Variants in RNF144B observed in about 807,000 individuals in gnomAD.
The protein encoded by RNF144B is ring finger protein 144B.
RNF144B carries 25 observed loss-of-function variants against 40.2 expected under a neutral mutation model. The ratio of observed to expected loss-of-function variants is 0.62; its 90% CI spans 0.45 to 0.87. RNF144B has a LOEUF of 0.87. RNF144B is among the 40% of genes least tolerant of loss of function. RNF144B has a pLI of 0.00. For missense variants in RNF144B, 365 were observed against 373.7 expected (o/e 0.98, Z 0.19); for synonymous variants, 145 against 136.3 (o/e 1.06, Z -0.44).
chr6:18,433,031 A>T (rs181836949), intron 3 of RNF144B, among the ~76,000 whole-genome samples: 3 of 152,322 alleles, frequency 2.0e-5, no homozygotes, highest in Admixed American at 2.0e-4. Context: ...AAATAAATAC[A>T]GTTTTTACTC....
At position 18,414,632 on chromosome 6, in the gene RNF144B, ATAT is replaced by A. The variant is rs1795110676; in HGVS notation, c.166-12944_166-12942del. 6.6e-6 allele frequency among the ~76,000 whole-genome samples: 1 copy of A among 152,170 alleles called. No homozygotes were observed. The highest frequency in any genetic ancestry group is 6.5e-5 in the Admixed American group (1 of 15,276). On this transcript the variant is annotated intron_variant, in intron 2 of 7. Transcript: ENST00000259939. The surrounding 1 kb of genome is among the most constrained non-coding windows in gnomAD (Gnocchi z 4.9). ...ATATATATGATTAGTTTTAATTAAG[ATAT>A]TATTTCATTATAATTTATTCAAACT...
intron 4 of RNF144B, among the ~76,000 whole-genome samples, chr6:18,451,438 G>C (rs1356612149): frequency 6.6e-6 from 1 of 152,192 alleles, no homozygotes; most frequent in Non-Finnish European, 1.5e-5. Flanking sequence ...CCGTAAATAA[G>C]TATGAAAGAA....
In RNF144B at chr6:18,406,578, T is replaced by G. The variant is rs1381047859; in HGVS notation, c.165+6879T>G. On this transcript the variant is annotated intron_variant, in intron 2 of 7. Coordinates refer to ENST00000259939, the MANE Select transcript of RNF144B (RefSeq NM_182757.4). This position sits in a 1 kb window ranked among gnomAD's most constrained non-coding sequence, Gnocchi z 4.2. ...GCTGGAGACCCAGGAGAACCAGTGG[T>G]GTATTTCCAGTCCAAGTCTGAAGGC... is the stretch of plus-strand genomic sequence containing the variant. 6.6e-6 allele frequency among the ~76,000 whole-genome samples: 1 copy of G among 151,452 alleles called. No individual in the cohort carries two copies. Among genetic ancestry groups the G allele is most frequent in the Non-Finnish European group, 1.5e-5 (1 of 67,940 alleles).
chr6:18,449,758 T>C (rs903538945), intron 4 of RNF144B, among the ~76,000 whole-genome samples: 2 of 152,070 alleles, frequency 1.3e-5, no homozygotes, highest in Non-Finnish European at 2.9e-5. Flanking sequence ...ATCTATCTTA[T>C]GTAGTCATTG....
In RNF144B at chr6:18,446,113, G is replaced by C. The variant is rs535408085; in HGVS notation, c.331+6369G>C. 6.6e-6 allele frequency among the ~76,000 whole-genome samples: 1 copy of C among 152,270 alleles called. No individual in the cohort carries two copies. Among genetic ancestry groups the C allele is most frequent in the Admixed American group, 6.5e-5 (1 of 15,288 alleles). On this transcript the variant is annotated intron_variant, in intron 4 of 7. Coordinates refer to ENST00000259939, the MANE Select transcript of RNF144B (RefSeq NM_182757.4). The surrounding 1 kb of genome is among the most constrained non-coding windows in gnomAD (Gnocchi z 4.7). ...GTTTGTTCCTTTTAGCTTGGGTTCT[G>C]TGTAGTCCTGTTAGATGCCAGGGCT... is the stretch of plus-strand genomic sequence containing the variant.
chr6:18,453,397 C>T (rs996444170), intron 4 of RNF144B, among the ~76,000 whole-genome samples: 2 of 152,112 alleles, frequency 1.3e-5, no homozygotes, highest in African/African-American at 4.8e-5. Context: ...CTCAGCCTCC[C>T]AAAGTGCTGG....
In RNF144B at chr6:18,459,917, A is replaced by G. The variant is rs1278530188; in HGVS notation, c.681+166A>G. On this transcript the variant is annotated intron_variant, in intron 6 of 7. Coordinates refer to ENST00000259939, the MANE Select transcript of RNF144B (RefSeq NM_182757.4). This position sits in a 1 kb window ranked among gnomAD's most constrained non-coding sequence, Gnocchi z 4.2. ...AAGCCTGATACTTTAGATATCTAAAAACATCTTTTTGATGACCTTACATAT... is the reference window on the plus strand; with the variant it reads ...AAGCCTGATACTTTAGATATCTAAAGACATCTTTTTGATGACCTTACATAT... Among the ~76,000 whole-genome samples the G allele has an allele frequency of 6.6e-6, 1 of 152,210 alleles. No homozygotes were observed. The highest frequency in any genetic ancestry group is 6.5e-5 in the Admixed American group (1 of 15,284).
chr6:18,434,072 A>C lies in RNF144B; in HGVS notation c.271-5612A>C, dbSNP rs1369609991. On this transcript the variant is annotated intron_variant, in intron 3 of 7. Transcript: ENST00000259939. This position sits in a 1 kb window ranked among gnomAD's most constrained non-coding sequence, Gnocchi z 4.1. ...TTTTATTATTTGTTCAGCCTGTTTA[A>C]TTTTTAAAGCAACTGTAGCAGAAGC... Among the ~76,000 whole-genome samples, 1 of 152,108 alleles carries C rather than the reference A, an allele frequency of 6.6e-6. No individual in the cohort carries two copies. The highest frequency in any genetic ancestry group is 6.6e-5 in the Admixed American group (1 of 15,260).
chr6:18,429,528 C>T (rs1487275107), intron 3 of RNF144B, among the ~76,000 whole-genome samples: 2 of 152,080 alleles, frequency 1.3e-5, no homozygotes, highest in Non-Finnish European at 2.9e-5. Context: ...AAAGGAATAT[C>T]TGTTTAGAAG....
intron 4 of RNF144B, 104 bp downstream of exon 4, chr6:18,439,848 G>A (rs1758918620): frequency 1.4e-6 from 1 of 713,186 alleles, no homozygotes; most frequent in Admixed American, 2.2e-5. Flanking sequence ...TGTCAACAAA[G>A]CCTCAAGGGT....
intron 2 of RNF144B, among the ~76,000 whole-genome samples, chr6:18,409,319 AG>A (rs1794981567): frequency 7.7e-6 from 1 of 129,752 alleles, no homozygotes; most frequent in African/African-American, 2.9e-5. Flanking sequence ...TGGAGGTTGC[AG>A]TGAGCTGAGA....
chr6:18,408,967 T>C (rs1046394112), intron 2 of RNF144B, among the ~76,000 whole-genome samples: 1 of 146,714 alleles, frequency 6.8e-6, no homozygotes, highest in Admixed American at 7.2e-5. Flanking sequence ...CTCTGCAAAA[T>C]GAGCATCTCA....
intron 1 of RNF144B, among the ~76,000 whole-genome samples, chr6:18,389,457 A>T (rs1211444095): frequency 6.6e-6 from 1 of 152,334 alleles, no homozygotes; most frequent in South Asian, 2.1e-4. Context: ...GAGGAGGTGC[A>T]CTTAAAATTT....
chr6:18,395,275 G>A lies in RNF144B; in HGVS notation c.-36-4224G>A, dbSNP rs1390346365. ...AAGACTTTTCTTGAAACCTGGAGGG[G>A]AGTGGATGTGAATTGCTTGTGCCCC... On this transcript the variant is annotated intron_variant, in intron 1 of 7. Coordinates refer to ENST00000259939, the MANE Select transcript of RNF144B (RefSeq NM_182757.4). The surrounding 1 kb of genome is among the most constrained non-coding windows in gnomAD (Gnocchi z 4.5). Among the ~76,000 whole-genome samples, 2 of 152,174 alleles carry A rather than the reference G, an allele frequency of 1.3e-5. No homozygotes were observed. The highest frequency in any genetic ancestry group is 2.4e-5 in the African/African-American group (1 of 41,420).
At chr6:18,431,108 G>A (rs1429715074) in intron 3 of RNF144B, among the ~76,000 whole-genome samples, 1 of 152,044 alleles carries the variant, frequency 6.6e-6, no homozygotes, top group Middle Eastern at 3.2e-3. Context: ...CAGGCATAGT[G>A]GTGGGCACCT....
chr6:18,408,584 A>C (rs1794962949), intron 2 of RNF144B, among the ~76,000 whole-genome samples: 1 of 152,142 alleles, frequency 6.6e-6, no homozygotes, highest in Non-Finnish European at 1.5e-5. Flanking sequence ...TCCATTTCCC[A>C]GGGACTGGCT....
intron 2 of RNF144B, among the ~76,000 whole-genome samples, chr6:18,415,930 G>A (rs1795141573): frequency 6.6e-6 from 1 of 151,924 alleles, no homozygotes; most frequent in Non-Finnish European, 1.5e-5. Context: ...CTAATAGTAG[G>A]AGGAAGAATG....
chr6:18,463,372 C>T lies in RNF144B; in HGVS notation c.763C>T (p.Arg255Ter), dbSNP rs1346828601. The part of the protein sequence containing the change: ...GHSRASVMWN[R>*]TQVVGILVGL... Reference sequence around the variant, plus strand: ...CTCAAGAGCATCAGTGATGTGGAACCGAACACAGGTACCCTGACCTTATAG... The same window carrying T: ...CTCAAGAGCATCAGTGATGTGGAACTGAACACAGGTACCCTGACCTTATAG... The change falls in exon 7 of 8, where the codon CGA (arginine) becomes TGA (stop). Residue 255 changes from arginine (R) to a stop codon, truncating the protein, a stop_gained. Transcript: ENST00000259939. LOFTEE classifies it high-confidence loss of function. 1.9e-6 allele frequency: 3 copies of T among 1,600,966 alleles called. No homozygotes were observed. The highest frequency in any genetic ancestry group is 1.1e-5 in the South Asian group (1 of 90,824).
Position 18,441,963 on chromosome 6 carries a change from C to CT in RNF144B, c.331+2225dup, listed in dbSNP as rs968407659. ...ATTCTCAATGTTCTTCTCCTGTACA[C>CT]TTTTTTCCCAAAGAGGTAATCATAC... On this transcript the variant is annotated intron_variant, in intron 4 of 7. Transcript: ENST00000259939. The surrounding 1 kb of genome is among the most constrained non-coding windows in gnomAD (Gnocchi z 4.9). Among the ~76,000 whole-genome samples the CT allele has an allele frequency of 3.3e-5, 5 of 152,158 alleles. No homozygotes were observed. Among genetic ancestry groups the CT allele is most frequent in the African/African-American group, 9.7e-5 (4 of 41,434 alleles).
Sources: allele counts gnomAD v4.1 joint callset (sites outside exome capture counted in the v4.1 genomes callset), GRCh38; gene constraint gnomAD v4.1.1; non-coding constraint Gnocchi (gnomAD v3.1); transcripts MANE v1.5; gene names NCBI Gene and HGNC (gene_info 2026-07-23, HGNC 2026-07-21).